Variants in ZRANB3 observed in about 807,000 individuals in gnomAD.
ZRANB3 encodes DNA annealing helicase and endonuclease ZRANB3.
ZRANB3 carries 125 observed loss-of-function variants against 133.8 expected under a neutral mutation model. The ratio of observed to expected loss-of-function variants is 0.93; its 90% CI spans 0.81 to 1.08. ZRANB3 has a LOEUF of 1.08. Among genes scored for constraint, ZRANB3 ranks in the 50% least tolerant of loss-of-function variants. ZRANB3 has a pLI of 0.00. For missense variants in ZRANB3, 1,229 were observed against 1,275.5 expected (o/e 0.96, Z 0.56); for synonymous variants, 387 against 432.7 (o/e 0.89, Z 1.31).
At chr2:135,359,241 GCT>G (rs2104884391) in intron 3 of ZRANB3, among the ~76,000 whole-genome samples, 1 of 152,172 alleles carries the variant, frequency 6.6e-6, no homozygotes, top group African/African-American at 2.4e-5. Context: ...AGCTTTATTA[GCT>G]AGAGTAAAAC....
chr2:135,406,453 C>T (rs1688037345), intron 2 of ZRANB3, among the ~76,000 whole-genome samples: 1 of 152,158 alleles, frequency 6.6e-6, no homozygotes, highest in Non-Finnish European at 1.5e-5. Flanking sequence ...AAGAGGGGAT[C>T]CTCCCTAACT....
chr2:135,462,754 G>A (rs1250536316), intron 2 of ZRANB3, among the ~76,000 whole-genome samples: 1 of 151,802 alleles, frequency 6.6e-6, no homozygotes, highest in African/African-American at 2.4e-5. Flanking sequence ...CATCACACCT[G>A]GCTAGTTTTT....
At chr2:135,245,278 G>A (rs746944207) in intron 12 of ZRANB3, among the ~76,000 whole-genome samples, 6 of 152,186 alleles carry the variant, frequency 3.9e-5, no homozygotes, top group Non-Finnish European at 8.8e-5. Flanking sequence ...GTCATCAACT[G>A]TGCTTTCTGA....
chr2:135,445,398 G>A (rs1177015505), intron 2 of ZRANB3, among the ~76,000 whole-genome samples: 1 of 151,504 alleles, frequency 6.6e-6, no homozygotes, highest in Non-Finnish European at 1.5e-5. Flanking sequence ...GAGCCAAGAT[G>A]GCTCACTGCA....
At chr2:135,441,788 A>G (rs919588019) in intron 2 of ZRANB3, among the ~76,000 whole-genome samples, 4 of 152,128 alleles carry the variant, frequency 2.6e-5, no homozygotes, top group African/African-American at 9.7e-5. Context: ...GCAACAATTA[A>G]GAAAAAAAAC....
intron 8 of ZRANB3, among the ~76,000 whole-genome samples, chr2:135,281,534 G>C (rs1435228211): frequency 6.6e-6 from 1 of 152,108 alleles, no homozygotes; most frequent in East Asian, 1.9e-4. Flanking sequence ...ACTTTTCCTT[G>C]CTTTGGACAT....
At chr2:135,405,512 T>C (rs1373680865) in intron 2 of ZRANB3, among the ~76,000 whole-genome samples, 2 of 152,136 alleles carry the variant, frequency 1.3e-5, no homozygotes, top group Non-Finnish European at 2.9e-5. Flanking sequence ...ATGAACAAAA[T>C]ATACATTCTT....
intron 2 of ZRANB3, among the ~76,000 whole-genome samples, chr2:135,490,578 C>T (rs1290841616): frequency 6.6e-6 from 1 of 152,060 alleles, no homozygotes; most frequent in Non-Finnish European, 1.5e-5. Context: ...GCCATGGAAA[C>T]CAATATGGAG....
At chr2:135,375,440 C>T (rs1221416861) in intron 3 of ZRANB3, among the ~76,000 whole-genome samples, 1 of 152,114 alleles carries the variant, frequency 6.6e-6, no homozygotes, top group Non-Finnish European at 1.5e-5. Flanking sequence ...AATCCCACCA[C>T]TTTGGGAGGC....
At chr2:135,429,031 T>C (rs1375224558) in intron 2 of ZRANB3, among the ~76,000 whole-genome samples, 2 of 152,234 alleles carry the variant, frequency 1.3e-5, no homozygotes, top group African/African-American at 2.4e-5. Flanking sequence ...ATCCCATTAC[T>C]GGGTATATAT....
chr2:135,406,479 G>T (rs1278023288), intron 2 of ZRANB3, among the ~76,000 whole-genome samples: 1 of 152,146 alleles, frequency 6.6e-6, no homozygotes, highest in African/African-American at 2.4e-5. Context: ...TATGAGGTCA[G>T]CATCATTCTG....
chr2:135,337,542 G>A (rs1349032266), intron 6 of ZRANB3, among the ~76,000 whole-genome samples: 1 of 152,146 alleles, frequency 6.6e-6, no homozygotes. Flanking sequence ...TTGTGGCACT[G>A]TAGCAAAATC....
intron 8 of ZRANB3, among the ~76,000 whole-genome samples, chr2:135,286,623 G>A (rs1176709534): frequency 6.6e-6 from 1 of 152,110 alleles, no homozygotes; most frequent in Non-Finnish European, 1.5e-5. Context: ...CAGGAATAAG[G>A]TGGTATCGCA....
chr2:135,275,558 C>T (rs947026137), intron 9 of ZRANB3, 78 bp downstream of exon 9: 3 of 1,254,906 alleles, frequency 2.4e-6, no homozygotes, highest in Admixed American at 3.6e-5. Context: ...AACACCTCAA[C>T]TATGAGACTA....
chr2:135,301,765 C>T (rs190455404), intron 8 of ZRANB3, among the ~76,000 whole-genome samples: 51 of 152,254 alleles, frequency 3.3e-4, no homozygotes, highest in Admixed American at 2.7e-3. Context: ...CAGGTATCTT[C>T]TCTCATGTAC....
At chr2:135,334,925 A>G (rs1371394522) in intron 6 of ZRANB3, among the ~76,000 whole-genome samples, 1 of 152,056 alleles carries the variant, frequency 6.6e-6, no homozygotes, top group Non-Finnish European at 1.5e-5. Flanking sequence ...AATAAAAATA[A>G]AAATAATTTA....
At chr2:135,259,912 A>G (rs753405516) in intron 12 of ZRANB3, among the ~76,000 whole-genome samples, 1 of 152,178 alleles carries the variant, frequency 6.6e-6, no homozygotes, top group Non-Finnish European at 1.5e-5. Flanking sequence ...TAGATAAATA[A>G]TGTTGCTGAT....
intron 2 of ZRANB3, among the ~76,000 whole-genome samples, chr2:135,417,627 C>G (rs1234157787): frequency 6.6e-6 from 1 of 152,122 alleles, no homozygotes; most frequent in East Asian, 1.9e-4. Context: ...ACCCAAAGGA[C>G]TATAAATCAT....
chr2:135,237,655 G>A (rs1308976350), intron 12 of ZRANB3, among the ~76,000 whole-genome samples: 2 of 151,976 alleles, frequency 1.3e-5, no homozygotes, highest in Non-Finnish European at 2.9e-5. Context: ...CATGGATGAA[G>A]CTGGAAACCA....
Sources: allele counts gnomAD v4.1 joint callset (sites outside exome capture counted in the v4.1 genomes callset), GRCh38; gene constraint gnomAD v4.1.1; transcripts MANE v1.5; gene names NCBI Gene and HGNC (gene_info 2026-07-23, HGNC 2026-07-21).